The following CCDC178 variants were observed in gnomAD, a reference collection of about 807,000 sequenced individuals.
CCDC178 encodes the protein coiled-coil domain-containing protein 178.
Under a neutral mutation model 117.4 loss-of-function variants are expected in CCDC178, and 126 were observed. The ratio of observed to expected loss-of-function variants is 1.07; its 90% confidence interval spans 0.93 to 1.24. The LOEUF (loss-of-function observed/expected upper bound fraction) is 1.24, where lower values mean the gene tolerates loss of function less well. CCDC178 is among the 50% of genes most tolerant of loss of function. The probability of loss-of-function intolerance (pLI) is 0.00; values close to 1 mark genes in which losing one functional copy is unlikely to be tolerated. For synonymous variants in CCDC178, 283 were observed against 313.4 expected, an observed-to-expected ratio of 0.90 and a Z score of 1.02; for missense variants, 1,030 against 986.9, an observed-to-expected ratio of 1.04 and a Z score of -0.59.
At chr18:33,412,461 T>C (rs2063870253) in intron 2 of CCDC178, among the ~76,000 whole-genome samples, 1 of 75,678 alleles carries the variant, frequency 1.3e-5, no homozygotes, top group Non-Finnish European at 2.7e-5. Context: ...AATAAAAGTT[T>C]AACTTTACTA....
At chr18:33,430,354 T>C (rs2064192034) in intron 2 of CCDC178, among the ~76,000 whole-genome samples, 1 of 152,242 alleles carries the variant, frequency 6.6e-6, no homozygotes, top group South Asian at 2.1e-4. Context: ...CTGGATTATA[T>C]TTTGGGATTG....
intron 12 of CCDC178, among the ~76,000 whole-genome samples, chr18:33,278,890 T>A (rs530862198): frequency 3.3e-5 from 5 of 152,126 alleles, no homozygotes; most frequent in African/African-American, 1.2e-4. Flanking sequence ...AAAAGGCCTT[T>A]GACAAAATTC....
chr18:33,046,449 A>G (rs2056644810), intron 21 of CCDC178, among the ~76,000 whole-genome samples: 1 of 151,986 alleles, frequency 6.6e-6, no homozygotes, highest in Non-Finnish European at 1.5e-5. Flanking sequence ...CTCATATACT[A>G]CTGTTTTAAT....
chr18:33,176,258 T>C (rs972317552), intron 20 of CCDC178, among the ~76,000 whole-genome samples: 1 of 152,186 alleles, frequency 6.6e-6, no homozygotes, highest in Non-Finnish European at 1.5e-5. Flanking sequence ...AGTCTGACAC[T>C]CTTAGAGTGC....
intron 20 of CCDC178, among the ~76,000 whole-genome samples, chr18:33,169,970 A>G (rs1166059097): frequency 6.6e-6 from 1 of 152,088 alleles, no homozygotes; most frequent in Non-Finnish European, 1.5e-5. Flanking sequence ...CACATATACC[A>G]GCTGATCTCT....
intron 5 of CCDC178, among the ~76,000 whole-genome samples, chr18:33,377,293 T>G (rs2063379562): frequency 6.7e-6 from 1 of 149,922 alleles, no homozygotes; most frequent in South Asian, 2.1e-4. Flanking sequence ...TTAATAGGGT[T>G]GTTTTAAGCT....
chr18:33,091,324 C>CT (rs746505005), intron 21 of CCDC178, among the ~76,000 whole-genome samples: 900 of 43,742 alleles, frequency 0.021, 191 homozygotes, highest in African/African-American at 0.07. Context: ...TTATTTCATT[C>CT]TTTTTTTTTT....
intron 14 of CCDC178, among the ~76,000 whole-genome samples, chr18:33,247,414 A>T (rs2059564165): frequency 6.6e-6 from 1 of 151,920 alleles, no homozygotes; most frequent in Non-Finnish European, 1.5e-5. Context: ...AAGACAACAA[A>T]TTTTAAGGAA....
intron 22 of CCDC178, among the ~76,000 whole-genome samples, chr18:32,942,195 T>C (rs1221547074): frequency 6.6e-6 from 1 of 152,146 alleles, no homozygotes; most frequent in Non-Finnish European, 1.5e-5. Context: ...ATTAGGTATA[T>C]TCAGTGAGAA....
At chr18:33,215,502 TTAA>T in intron 19 of CCDC178, 45 bp downstream of exon 19, 2 of 991,366 alleles carry the variant, frequency 2.0e-6, no homozygotes, top group Non-Finnish European at 1.4e-6. Context: ...ATCTTATTTA[TTAA>T]TATTTTTTAA....
chr18:33,278,534 A>G (rs2059981732), intron 12 of CCDC178, among the ~76,000 whole-genome samples: 1 of 151,982 alleles, frequency 6.6e-6, no homozygotes, highest in Admixed American at 6.6e-5. Context: ...TTCAGCATTT[A>G]TATATGGAAT....
intron 15 of CCDC178, among the ~76,000 whole-genome samples, chr18:33,239,503 TA>T (rs201337183): frequency 0.016 from 2,201 of 135,176 alleles, 25 homozygotes; most frequent in African/African-American, 0.044. Flanking sequence ...GTGACGTGGT[TA>T]AAAAAAAAAA....
intron 6 of CCDC178, among the ~76,000 whole-genome samples, chr18:33,366,011 A>C (rs1314016110): frequency 6.6e-6 from 1 of 152,080 alleles, no homozygotes; most frequent in African/African-American, 2.4e-5. Flanking sequence ...AGTGGATAGA[A>C]AAGTCCGTGG....
intron 11 of CCDC178, among the ~76,000 whole-genome samples, chr18:33,305,055 A>G (rs2144923870): frequency 6.6e-6 from 1 of 152,252 alleles, no homozygotes; most frequent in East Asian, 1.9e-4. Context: ...GGTTTTATGT[A>G]TTAGCTTAAT....
At chr18:32,961,842 C>CTGGG (rs1207315713) in intron 22 of CCDC178, among the ~76,000 whole-genome samples, 1 of 152,068 alleles carries the variant, frequency 6.6e-6, no homozygotes, top group Non-Finnish European at 1.5e-5. Context: ...TGTCTGCAGC[C>CTGGG]TGGGGGTTGA....
intron 12 of CCDC178, among the ~76,000 whole-genome samples, chr18:33,267,818 AAAC>A (rs2059836874): frequency 6.6e-6 from 1 of 151,542 alleles, no homozygotes; most frequent in South Asian, 2.1e-4. Flanking sequence ...ATTCTATTTA[AAAC>A]AACAATAAAC....
At chr18:33,055,826 A>G (rs1267443918) in intron 21 of CCDC178, among the ~76,000 whole-genome samples, 1 of 148,474 alleles carries the variant, frequency 6.7e-6, no homozygotes, top group Non-Finnish European at 1.5e-5. Context: ...TTTTTTTGAG[A>G]AGGAGTCTTG....
chr18:33,152,064 A>G (rs1244688768), intron 20 of CCDC178, among the ~76,000 whole-genome samples: 1 of 152,206 alleles, frequency 6.6e-6, no homozygotes, highest in Admixed American at 6.5e-5. Flanking sequence ...GCAGGCCAAA[A>G]GCAATTTCAC....
chr18:33,388,465 A>T (rs1366300711), intron 5 of CCDC178, among the ~76,000 whole-genome samples: 1 of 151,528 alleles, frequency 6.6e-6, no homozygotes, highest in Non-Finnish European at 1.5e-5. Context: ...ATCAACCCAA[A>T]TGCCCATCAA....
Sources: allele counts gnomAD v4.1 joint callset (sites outside exome capture counted in the v4.1 genomes callset), GRCh38; gene constraint gnomAD v4.1.1; transcripts MANE v1.5; gene names NCBI Gene and HGNC (gene_info 2026-07-23, HGNC 2026-07-21).